The following PPP3CB variants were observed in gnomAD, a reference collection of about 807,000 sequenced individuals.
PPP3CB encodes protein phosphatase 3 catalytic subunit beta.
PPP3CB carries 8 observed loss-of-function variants against 66.4 expected under a neutral mutation model. The ratio of observed to expected loss-of-function variants is 0.12; its 90% CI spans 0.07 to 0.22. The LOEUF (loss-of-function observed/expected upper bound fraction) is 0.22, where lower values mean the gene tolerates loss of function less well. Among genes scored for constraint, PPP3CB ranks in the 10% least tolerant of loss-of-function variants. PPP3CB has a pLI of 1.00. For synonymous variants in PPP3CB, 208 were observed against 221.2 expected (o/e 0.94, Z 0.53); for missense variants, 319 against 642.5 (o/e 0.50, Z 5.44).
chr10:73,468,999 G>A (rs1363573769), intron 8 of PPP3CB, among the ~76,000 whole-genome samples: 1 of 152,130 alleles, frequency 6.6e-6, no homozygotes, highest in Non-Finnish European at 1.5e-5. Context: ...CACTATTTAT[G>A]TACAGACTCA....
At chr10:73,462,163 T>TC (rs2056533193) in intron 9 of PPP3CB, among the ~76,000 whole-genome samples, 1 of 139,740 alleles carries the variant, frequency 7.2e-6, no homozygotes, top group Admixed American at 7.0e-5. Flanking sequence ...TTTTTTTTTT[T>TC]TTTCAGATAG....
At position 73,470,675 on chromosome 10, in the gene PPP3CB, A is replaced by G. The variant is rs1170213688; in HGVS notation, c.982+12T>C. 10 of 1,465,064 alleles carry G rather than the reference A, an allele frequency of 6.8e-6. No individual in the cohort carries two copies. The highest frequency in any genetic ancestry group is 4.6e-5 in the East Asian group (2 of 43,482). 90.8% of individuals were successfully genotyped at this position (1,465,064 alleles called of 1,614,324 possible). A position where few individuals can be genotyped will look rare whatever the true frequency, so the allele number is the denominator to read the frequency against. On this transcript the variant is annotated intron_variant, in intron 8 of 13. Coordinates refer to ENST00000360663, the MANE Select transcript of PPP3CB (RefSeq NM_021132.4). ...AGTTGTTTAACAATTTTTTTTATCA[A>G]CAATATCTTACCTTTATTATTGTAG...
chr10:73,454,379 TAA>T (rs61458056), intron 10 of PPP3CB, 31 bp downstream of exon 10: 425 of 1,201,276 alleles, frequency 3.5e-4, no homozygotes, highest in South Asian at 1.5e-3. Flanking sequence ...CATTTCACAG[TAA>T]AAAAAAAAAT....
At chr10:73,453,343 T>C (rs2056375451) in intron 10 of PPP3CB, among the ~76,000 whole-genome samples, 1 of 152,234 alleles carries the variant, frequency 6.6e-6, no homozygotes, top group African/African-American at 2.4e-5. Context: ...TTTATTTTAC[T>C]GCTATTCATA....
intron 3 of PPP3CB, among the ~76,000 whole-genome samples, chr10:73,475,935 C>G (rs2056777477): frequency 6.6e-6 from 1 of 152,180 alleles, no homozygotes; most frequent in South Asian, 2.1e-4. Flanking sequence ...CTGCTCACTG[C>G]AGCCTCGACC....
At chr10:73,445,334 T>C (rs970266777) in intron 11 of PPP3CB, among the ~76,000 whole-genome samples, 9 of 152,254 alleles carry the variant, frequency 5.9e-5, no homozygotes, top group Non-Finnish European at 1.3e-4. Flanking sequence ...GGTGTGAATT[T>C]AGTGTTATCA....
intron 10 of PPP3CB, chr10:73,448,722 G>A (rs2056299547): frequency 1.9e-6 from 1 of 533,344 alleles, no homozygotes; most frequent in South Asian, 1.4e-5. Context: ...AAAAGGAAGT[G>A]AATGATGGAG....
chr10:73,492,106 G>A lies in PPP3CB; in HGVS notation c.85+3699C>T, dbSNP rs191431241. ...CAACAGAATCCAAATGAATTCTAAC[G>A]TTGTCAATCAGAAATACTTTAGCTT... On this transcript the variant is annotated intron_variant, in intron 1 of 13. Transcript: ENST00000360663. Among the ~76,000 whole-genome samples the A allele has an allele frequency of 6.0e-4, 92 of 152,170 alleles. 1 individual carries two copies. Among genetic ancestry groups the A allele is most frequent in the Admixed American group, 1.4e-3 (21 of 15,292 alleles).
At position 73,454,018 on chromosome 10, in the gene PPP3CB, A is replaced by G. The variant is rs377101686; in HGVS notation, c.1186+394T>C. ...TCTATTTTAGTGTCTAAAAGGCAGG[A>G]AAAGCAAAATTGGGAGTTCAGGTAT... On this transcript the variant is annotated intron_variant, in intron 10 of 13. Coordinates refer to ENST00000360663, the MANE Select transcript of PPP3CB (RefSeq NM_021132.4). 2.0e-4 allele frequency among the ~76,000 whole-genome samples: 30 copies of G among 152,318 alleles called. No homozygotes were observed. The East Asian group carries it at 2.7e-3, about 14-fold the overall frequency.
chr10:73,487,532 A>G (rs2056999300), intron 1 of PPP3CB, among the ~76,000 whole-genome samples: 1 of 139,178 alleles, frequency 7.2e-6, no homozygotes, highest in African/African-American at 2.6e-5. Context: ...AGGGCAACAG[A>G]GTGAGACTCC....
chr10:73,472,936 T>C (rs2056726813), intron 4 of PPP3CB, among the ~76,000 whole-genome samples: 1 of 152,158 alleles, frequency 6.6e-6, no homozygotes, highest in African/African-American at 2.4e-5. Flanking sequence ...TTTTGGTAGG[T>C]GGTTTGTTAT....
intron 9 of PPP3CB, among the ~76,000 whole-genome samples, chr10:73,462,137 CTTCT>C (rs1391498524): frequency 1.1e-4 from 15 of 141,614 alleles, no homozygotes; most frequent in African/African-American, 8.0e-5. Flanking sequence ...AATTAAACTC[CTTCT>C]TTTTTTTTTT....
At position 73,467,690 on chromosome 10, in the gene PPP3CB, G is replaced by T; in HGVS notation, c.983-12C>A. On this transcript the variant is annotated splice_polypyrimidine_tract_variant and intron_variant, in intron 8 of 13. Coordinates refer to ENST00000360663, the MANE Select transcript of PPP3CB (RefSeq NM_021132.4). The stretch of plus-strand genomic sequence containing the variant: ...CTTTAATACAGCAGCTGCAAGATAA[G>T]TTGAACATCAATAACTTAATAGATA... 6.5e-7 allele frequency: 1 copy of T among 1,529,646 alleles called. No homozygotes were observed. Among genetic ancestry groups the T allele is most frequent in the Non-Finnish European group, 8.9e-7 (1 of 1,128,154 alleles). 94.8% of individuals were successfully genotyped at this position (1,529,646 alleles called of 1,614,324 possible). A position where few individuals can be genotyped will look rare whatever the true frequency, so the allele number is the denominator to read the frequency against.
At chr10:73,443,286 C>CAGACAGAAAGAAAGAAAGAA (rs1441809416) in intron 12 of PPP3CB, among the ~76,000 whole-genome samples, 32 of 115,706 alleles carry the variant, frequency 2.8e-4, no homozygotes, top group South Asian at 9.2e-4. Flanking sequence ...GAAAGAAAGA[C>CAGACAGAAAGAAAGAAAGAA]AGAAAGAAAG....
chr10:73,463,941 CTTTT>C (rs1213745146), intron 9 of PPP3CB, among the ~76,000 whole-genome samples: 1 of 150,630 alleles, frequency 6.6e-6, no homozygotes, highest in Non-Finnish European at 1.5e-5. Flanking sequence ...GGCCTCTCCT[CTTTT>C]TTTGAGACAG....
At chr10:73,453,098 T>G (rs957133576) in intron 10 of PPP3CB, among the ~76,000 whole-genome samples, 6 of 152,162 alleles carry the variant, frequency 3.9e-5, no homozygotes, top group African/African-American at 1.4e-4. Flanking sequence ...TATATAGCCA[T>G]GAAGAAAATA....
intron 1 of PPP3CB, among the ~76,000 whole-genome samples, chr10:73,484,168 T>G (rs189290391): frequency 7.9e-5 from 12 of 152,306 alleles, no homozygotes; most frequent in Non-Finnish European, 1.3e-4. Context: ...CAACTACTAC[T>G]TTGTTTTGCA....
intron 1 of PPP3CB, among the ~76,000 whole-genome samples, chr10:73,486,096 C>A (rs926557844): frequency 3.3e-5 from 5 of 151,696 alleles, no homozygotes; most frequent in Admixed American, 1.3e-4. Flanking sequence ...CAGGCGTGCA[C>A]CACCATGCCC....
chr10:73,478,646 T>A, intron 2 of PPP3CB, 23 bp from the exon 3 acceptor site: 1 of 1,596,758 alleles, frequency 6.3e-7, no homozygotes, highest in South Asian at 1.1e-5. Context: ...GATTATTAGA[T>A]AAGGGAAAAA....
Sources: gnomAD v4.1 joint callset for allele counts (sites outside exome capture counted in the v4.1 genomes callset) on GRCh38, gnomAD v4.1.1 for gene constraint, MANE v1.5 for transcripts, NCBI Gene and HGNC (gene_info 2026-07-23, HGNC 2026-07-21) for gene names.